Variants in USP9X observed in about 807,000 individuals in gnomAD.
The protein encoded by USP9X is ubiquitin specific peptidase 9 X-linked.
A neutral mutation model predicts 190.3 loss-of-function variants in USP9X; 7 were observed. The ratio of observed to expected loss-of-function variants is 0.04; its 90% CI spans 0.02 to 0.07. USP9X has a LOEUF of 0.07. Ranked by LOEUF, USP9X falls within the 10% of genes least tolerant of loss-of-function variation. The pLI is 1.00. For synonymous variants in USP9X, 645 were observed against 659.5 expected, an observed-to-expected ratio of 0.98 and a Z score of 0.34; for missense variants, 1,010 against 1,916.9, an observed-to-expected ratio of 0.53 and a Z score of 8.83.
At chrX:41,148,703 T>G in intron 12 of USP9X, 128 bp downstream of exon 12, 1 of 633,746 alleles carries the variant, frequency 1.6e-6, no homozygotes, top group Non-Finnish European at 2.4e-6. Flanking sequence ...TGACTTTTTT[T>G]GTTCATTAGT....
chrX:41,099,096 GTTTTTTTTTTTTT>G (rs34179321), intron 1 of USP9X, among the ~76,000 whole-genome samples: 1 of 44,274 alleles, frequency 2.3e-5, no homozygotes, highest in South Asian at 1.9e-3. Flanking sequence ...CCAGATAATT[GTTTTTTTTTTTTT>G]TTTTTTTTTT....
At chrX:41,117,126 G>A (rs912673045) in intron 1 of USP9X, among the ~76,000 whole-genome samples, 3 of 111,491 alleles carry the variant, frequency 2.7e-5, no homozygotes, top group Non-Finnish European at 1.9e-5. Flanking sequence ...CTAGAAAGGC[G>A]AGACTATATA....
chrX:41,170,441 T>C, intron 19 of USP9X, 29 bp from the exon 20 acceptor site: 1 of 1,193,852 alleles, frequency 8.4e-7, no homozygotes, highest in Non-Finnish European at 1.1e-6. Flanking sequence ...TTCCTTGTTT[T>C]TGATATTAAC....
At chrX:41,109,774 G>C (rs927930856) in intron 1 of USP9X, among the ~76,000 whole-genome samples, 1 of 111,187 alleles carries the variant, frequency 9.0e-6, no homozygotes, top group African/African-American at 3.3e-5. Context: ...TGGGGATGGG[G>C]GGGGCAGGAA....
chrX:41,228,653 C>T (rs1289846029), intron 41 of USP9X, among the ~76,000 whole-genome samples: 2 of 111,845 alleles, frequency 1.8e-5, no homozygotes, highest in Non-Finnish European at 3.8e-5. Flanking sequence ...GCATTACTCT[C>T]GAGTGTCCTG....
At position 41,175,772 on chromosome X, in the gene USP9X, T is replaced by TAC. The variant is rs769385399; in HGVS notation, c.3148+3826_3148+3827dup. ...ACATTTAAGTCTATTACTATATATA[T>TAC]ACACACACACACATGAATATATATA... On this transcript the variant is annotated intron_variant, in intron 21 of 44. Transcript: ENST00000378308. Among the ~76,000 whole-genome samples the TAC allele has an allele frequency of 1.9e-3, 214 of 110,164 alleles. 1 individual carries two copies. The highest frequency in any genetic ancestry group is 7.6e-3 in the South Asian group (20 of 2,626).
At chrX:41,167,410 A>G in intron 16 of USP9X, 72 bp from the exon 17 acceptor site, 1 of 809,744 alleles carries the variant, frequency 1.2e-6, no homozygotes, top group Non-Finnish European at 1.8e-6. Context: ...AACTGAGGAT[A>G]TGGTTTGAAT....
intron 11 of USP9X, among the ~76,000 whole-genome samples, chrX:41,147,978 AGC>A (rs2062485950): frequency 9.0e-6 from 1 of 111,160 alleles, no homozygotes; most frequent in Non-Finnish European, 1.9e-5. Flanking sequence ...TTCGAACCAT[AGC>A]AGTAACTTTA....
rs776334246 is a variant in USP9X at position 41,148,582 on chromosome X, G to A, written c.1626+7G>A. 12 of 1,206,444 alleles carry A rather than the reference G, an allele frequency of 9.9e-6. No individual in the cohort carries two copies. In the African/African-American group the frequency reaches 1.2e-4, roughly 12 times the overall value. ...AGATTACAGTTGCTCCCAGGTAAGA[G>A]TGTACTGCTTTGCTCACTTTTTGTG... On this transcript the variant is annotated splice_region_variant and intron_variant, in intron 12 of 44. Transcript: ENST00000378308.
intron 23 of USP9X, 62 bp from the exon 24 acceptor site, chrX:41,186,455 A>G (rs369685547): frequency 2.0e-5 from 23 of 1,159,804 alleles, no homozygotes; most frequent in Middle Eastern, 4.8e-4. Flanking sequence ...ATGAAGAGCA[A>G]TTGGTTAGGT....
chrX:41,121,295 A>G lies in USP9X; in HGVS notation c.-158-2176A>G, dbSNP rs780296966. Among the ~76,000 whole-genome samples the G allele has an allele frequency of 2.7e-5, 3 of 111,521 alleles. No individual in the cohort carries two copies. The South Asian group carries it at 1.1e-3, about 42-fold the overall frequency. Reference sequence around the variant, plus strand: ...ATGATAGAGAACTTGAAGAGGAAGAAGTCTTAGAGTCAGATGTGAATTAGA... The same window carrying G: ...ATGATAGAGAACTTGAAGAGGAAGAGGTCTTAGAGTCAGATGTGAATTAGA... On this transcript the variant is annotated intron_variant, in intron 1 of 44. Transcript: ENST00000378308.
At chrX:41,119,962 A>G (rs2062177416) in intron 1 of USP9X, among the ~76,000 whole-genome samples, 2 of 112,190 alleles carry the variant, frequency 1.8e-5, no homozygotes, top group Non-Finnish European at 3.8e-5. Context: ...GGTGTATAAA[A>G]TGGATAACAA....
In USP9X at chrX:41,085,516, A is replaced by C; in HGVS notation, c.-752A>C. The C allele has an allele frequency of 6.3e-6, 1 of 158,206 alleles. No individual in the cohort carries two copies. Among genetic ancestry groups the C allele is most frequent in the African/African-American group, 3.3e-5 (1 of 30,337 alleles). The allele number at this position is 158,206 out of a possible 1,213,427, so 13.0% of individuals were successfully genotyped here. A position where few individuals can be genotyped will look rare whatever the true frequency, so the allele number is the denominator to read the frequency against. On this transcript the variant is annotated 5_prime_UTR_variant, in exon 1 of 45. Coordinates refer to ENST00000378308, the MANE Select transcript of USP9X (RefSeq NM_001039591.3). ...GGACGCTAGTCTCCGCCGCCGCCGG[A>C]GCCGCAACCTCTCCGCACCCGGCCC...
intron 1 of USP9X, among the ~76,000 whole-genome samples, chrX:41,103,373 C>T (rs1046824529): frequency 8.9e-6 from 1 of 112,090 alleles, no homozygotes; most frequent in Admixed American, 9.5e-5. Flanking sequence ...AGATGACTGC[C>T]TCATAATCAA....
chrX:41,177,245 T>TTTG (rs2062782971), intron 21 of USP9X, among the ~76,000 whole-genome samples: 1 of 112,681 alleles, frequency 8.9e-6, no homozygotes, highest in African/African-American at 3.2e-5. Context: ...AGTATTGGAC[T>TTTG]TTATAACAAT....
At chrX:41,199,923 T>A (rs1342625518) in intron 30 of USP9X, among the ~76,000 whole-genome samples, 1 of 111,450 alleles carries the variant, frequency 9.0e-6, no homozygotes, top group African/African-American at 3.3e-5. Flanking sequence ...ATTTCAGACC[T>A]TACAGATAAG....
At chrX:41,183,728 G>C (rs1333690044) in intron 21 of USP9X, among the ~76,000 whole-genome samples, 1 of 111,640 alleles carries the variant, frequency 9.0e-6, no homozygotes, top group African/African-American at 3.3e-5. Flanking sequence ...CAGTGGCTGA[G>C]AGGAGAGTAT....
intron 1 of USP9X, among the ~76,000 whole-genome samples, chrX:41,088,530 T>A (rs957990363): frequency 2.7e-5 from 3 of 112,408 alleles, no homozygotes; most frequent in African/African-American, 6.5e-5. Flanking sequence ...AATTTTAGTA[T>A]TAAAACCAAT....
intron 29 of USP9X, 120 bp from the exon 30 acceptor site, chrX:41,198,395 TCTGAGTTTTCTGA>T: frequency 3.1e-6 from 1 of 322,684 alleles, no homozygotes; most frequent in Non-Finnish European, 5.0e-6. Context: ...TATTAGAAAA[TCTGAGTTTTCTGA>T]GATGTAATGA....
Sources: allele counts gnomAD v4.1 joint callset (sites outside exome capture counted in the v4.1 genomes callset), GRCh38; gene constraint gnomAD v4.1.1; transcripts MANE v1.5; gene names NCBI Gene and HGNC (gene_info 2026-07-23, HGNC 2026-07-21).